Variants in NUP88 observed in about 807,000 individuals in gnomAD.
NUP88 encodes nucleoporin 88, also known as nuclear pore complex protein Nup88.
In NUP88, 57 loss-of-function variants were observed where a neutral mutation model predicts 93.9. The ratio of observed to expected loss-of-function variants is 0.61; its 90% CI spans 0.49 to 0.76. The LOEUF (loss-of-function observed/expected upper bound fraction) is 0.76, where lower values mean the gene tolerates loss of function less well. Among genes scored for constraint, NUP88 ranks in the 30% least tolerant of loss-of-function variants. NUP88 has a pLI of 0.00. For missense variants in NUP88, 911 were observed against 901.0 expected (o/e 1.01, Z -0.14); for synonymous variants, 346 against 336.8 (o/e 1.03, Z -0.30).
intron 7 of NUP88, among the ~76,000 whole-genome samples, chr17:5,402,790 C>T (rs1913249440): frequency 6.6e-6 from 1 of 152,114 alleles, no homozygotes; most frequent in African/African-American, 2.4e-5. Flanking sequence ...ATCACTGGAG[C>T]TCAGGACTTT....
intron 5 of NUP88, among the ~76,000 whole-genome samples, chr17:5,406,304 A>T (rs912954472): frequency 1.3e-5 from 2 of 152,378 alleles, no homozygotes; most frequent in Non-Finnish European, 2.9e-5. Context: ...AGTCCTGGAA[A>T]CATGAAAGAC....
rs1338811568 is a variant in NUP88, at chr17:5,404,108, G to C, written c.1183C>G (p.Leu395Val). The change falls in exon 7 of 17, where the codon CTT becomes GTT. Residue 395 changes from leucine (L) to valine (V), a missense_variant. Physicochemically the swap from Leu to Val is conservative, Grantham distance 32. Transcript: ENST00000573584. ...FDSDFSCPVK[L>V]HRDPKCPSRY... is the part of the protein sequence containing the mutation. ...TTATTGAAGAGCTTACCTCTATGAA[G>C]TTTGACTGGACAAGAAAAGTCAGAA... 5 of 1,613,932 alleles carry C rather than the reference G, an allele frequency of 3.1e-6. No homozygotes were observed. In the African/African-American group the frequency reaches 6.7e-5, roughly 22 times the overall value.
rs940253339 is a variant in NUP88 at position 5,416,439 on chromosome 17, G to A, written c.467+74C>T. 1.6e-5 allele frequency: 17 copies of A among 1,060,602 alleles called. No individual in the cohort carries two copies. The Middle Eastern group carries it at 9.1e-4, about 57-fold the overall frequency. 65.7% of individuals were successfully genotyped at this position (1,060,602 alleles called of 1,614,324 possible). A position where few individuals can be genotyped will look rare whatever the true frequency, so the allele number is the denominator to read the frequency against. ...GTTTTAAGAGTAGTATACTAAACAT[G>A]CTTAAGAACCACTAGTCTTGAACAA... On this transcript the variant is annotated intron_variant, in intron 2 of 16. Coordinates refer to ENST00000573584, the MANE Select transcript of NUP88 (RefSeq NM_002532.6).
In NUP88 at chr17:5,399,609, C is replaced by T. The variant is rs751285422; in HGVS notation, c.1234G>A (p.Gly412Ser). 3.7e-6 allele frequency: 6 copies of T among 1,609,652 alleles called. No individual in the cohort carries two copies. The South Asian group carries it at 4.4e-5, about 12-fold the overall frequency. ...PSRYHCTHEAGVHSVGLTWIH... is the reference protein window; with the variant it reads ...PSRYHCTHEASVHSVGLTWIH... Reference sequence around the variant, plus strand: ...CAAGTTAGCCCAACACTATGTACACCAGCTTCATGAGTACAGTGATATCTT... The same window carrying T: ...CAAGTTAGCCCAACACTATGTACACTAGCTTCATGAGTACAGTGATATCTT... The change falls in exon 8 of 17, where the codon GGT becomes AGT. Residue 412 changes from glycine (G) to serine (S), a missense_variant. By Grantham distance (56) the Gly-to-Ser change is moderately conservative. Transcript: ENST00000573584.
intron 7 of NUP88, among the ~76,000 whole-genome samples, chr17:5,400,121 T>C (rs1303998932): frequency 7.8e-6 from 1 of 128,246 alleles, no homozygotes; most frequent in Non-Finnish European, 1.6e-5. Flanking sequence ...GATGCAGGGT[T>C]GCCACATCTT....
intron 6 of NUP88, 86 bp from the exon 7 acceptor site, chr17:5,404,332 G>T: frequency 1.4e-6 from 2 of 1,394,116 alleles, no homozygotes; most frequent in Non-Finnish European, 2.0e-6. Flanking sequence ...CTGGGTCAGG[G>T]CCGGGTGCGG....
In NUP88 at chr17:5,402,088, G is replaced by A. The variant is rs986054418; in HGVS notation, c.1192+2011C>T. On this transcript the variant is annotated intron_variant, in intron 7 of 16. Coordinates refer to ENST00000573584, the MANE Select transcript of NUP88 (RefSeq NM_002532.6). The stretch of plus-strand genomic sequence containing the variant: ...TCCCAGCACTGTGGGAGGCCAAGGT[G>A]GACAGATAAGGAGTTCGAGACCAGC... Among the ~76,000 whole-genome samples, 7 of 152,196 alleles carry A rather than the reference G, an allele frequency of 4.6e-5. No individual in the cohort carries two copies. The East Asian group carries it at 1.4e-3, about 29-fold the overall frequency.
chr17:5,407,976 T>G (rs1003152750), intron 5 of NUP88, among the ~76,000 whole-genome samples: 3 of 151,920 alleles, frequency 2.0e-5, no homozygotes, highest in African/African-American at 7.3e-5. Context: ...ATCACTGGCT[T>G]CCTACTACCC....
At chr17:5,396,592 C>A (rs765137641) in intron 8 of NUP88, among the ~76,000 whole-genome samples, 5 of 152,170 alleles carry the variant, frequency 3.3e-5, no homozygotes, top group Non-Finnish European at 5.9e-5. Context: ...CTGCTGTGAA[C>A]ACTCATGTAC....
At chr17:5,410,022 G>A (rs1270552843) in intron 4 of NUP88, among the ~76,000 whole-genome samples, 3 of 152,192 alleles carry the variant, frequency 2.0e-5, no homozygotes, top group Non-Finnish European at 4.4e-5. Context: ...CATACCTGTG[G>A]ACCCTTTATA....
At position 5,406,531 on chromosome 17, in the gene NUP88, G is replaced by C. The variant is rs1259405594; in HGVS notation, c.858-1288C>G. 2.0e-5 allele frequency among the ~76,000 whole-genome samples: 3 copies of C among 152,268 alleles called. No homozygotes were observed. The South Asian group carries it at 6.2e-4, about 32-fold the overall frequency. ...GAGCCTCACTTTACAAATCAGTCTG[G>C]TATTAGGGAGGAAGACATGGAAGGG... On this transcript the variant is annotated intron_variant, in intron 5 of 16. Coordinates refer to ENST00000573584, the MANE Select transcript of NUP88 (RefSeq NM_002532.6).
chr17:5,396,206 C>T (rs1461442292), intron 8 of NUP88, among the ~76,000 whole-genome samples: 4 of 151,630 alleles, frequency 2.6e-5, no homozygotes, highest in Non-Finnish European at 5.9e-5. Flanking sequence ...AGTGAAACTC[C>T]GTCTAAAAAA....
intron 14 of NUP88, 98 bp from the exon 15 acceptor site, chr17:5,387,208 G>T: frequency 7.0e-7 from 1 of 1,432,454 alleles, no homozygotes; most frequent in Non-Finnish European, 9.6e-7. Context: ...TGTTTCTGAA[G>T]TAGGCCCCAT....
chr17:5,409,887 T>G (rs1327119373), intron 4 of NUP88, among the ~76,000 whole-genome samples: 2 of 152,096 alleles, frequency 1.3e-5, no homozygotes. Flanking sequence ...GCAGTTGAGG[T>G]GGAGAGCAAA....
chr17:5,410,549 C>T (rs757115301), intron 4 of NUP88, among the ~76,000 whole-genome samples, 154 bp downstream of exon 4: 6 of 152,036 alleles, frequency 3.9e-5, no homozygotes, highest in African/African-American at 9.7e-5. Flanking sequence ...CTGGCCAACA[C>T]GACGAATCCC....
At chr17:5,399,416 G>A (rs1325037006) in intron 8 of NUP88, 136 bp downstream of exon 8, 5 of 573,734 alleles carry the variant, frequency 8.7e-6, no homozygotes, top group African/African-American at 1.9e-5. Flanking sequence ...GTGAAATGTG[G>A]TTGATCTTTT....
At chr17:5,398,068 G>A (rs1392200923) in intron 8 of NUP88, among the ~76,000 whole-genome samples, 2 of 151,550 alleles carry the variant, frequency 1.3e-5, no homozygotes, top group Admixed American at 1.3e-4. Flanking sequence ...CACTATGCCT[G>A]GCTAATTTTT....
At chr17:5,389,897 G>T (rs921758260) in intron 10 of NUP88, among the ~76,000 whole-genome samples, 1 of 151,792 alleles carries the variant, frequency 6.6e-6, no homozygotes, top group African/African-American at 2.4e-5. Flanking sequence ...CTGGCACGGT[G>T]GCTCATGCCT....
In NUP88 at chr17:5,387,830, C is replaced by T. The variant is rs1362524609; in HGVS notation, c.1718G>A (p.Arg573Lys). 1 of 1,614,078 alleles carries T rather than the reference C, an allele frequency of 6.2e-7. No individual in the cohort carries two copies. Among genetic ancestry groups the T allele is most frequent in the Admixed American group, 1.7e-5 (1 of 60,006 alleles). The change falls in exon 12 of 17, where the codon AGA (arginine) becomes AAA (lysine). Residue 573 changes from arginine (R) to lysine (K), a missense_variant. By Grantham distance (26) the Arg-to-Lys change is conservative. Coordinates refer to ENST00000573584, the MANE Select transcript of NUP88 (RefSeq NM_002532.6). ...QLLSRATQVF[R>K]EQYILKQDLA... ...GTCCTGTTTGAGAATGTACTGCTCT[C>T]TGAACACCTGGGTGGCTCTGCTGAG...
Sources: allele counts gnomAD v4.1 joint callset (sites outside exome capture counted in the v4.1 genomes callset), GRCh38; gene constraint gnomAD v4.1.1; transcripts MANE v1.5; gene names NCBI Gene and HGNC (gene_info 2026-07-23, HGNC 2026-07-21).